NEDD4L: variants seen among roughly 807,000 people sequenced by gnomAD.
NEDD4L encodes the protein NEDD4 like E3 ubiquitin protein ligase.
In NEDD4L, 54 loss-of-function variants were observed where a neutral mutation model predicts 148.9. The ratio of observed to expected loss-of-function variants is 0.36; its 90% CI spans 0.29 to 0.45. The LOEUF (loss-of-function observed/expected upper bound fraction) is 0.45, where lower values mean the gene tolerates loss of function less well. NEDD4L is among the 20% of genes least tolerant of loss of function. The pLI is 1.00. For missense variants in NEDD4L, 856 were observed against 1,233.8 expected (o/e 0.69, Z 4.59); for synonymous variants, 433 against 440.7 (o/e 0.98, Z 0.22).
intron 10 of NEDD4L, among the ~76,000 whole-genome samples, chr18:58,329,614 TC>T (rs2059627368): frequency 6.6e-6 from 1 of 151,752 alleles, no homozygotes; most frequent in Non-Finnish European, 1.5e-5. Flanking sequence ...TGCCTCAGCC[TC>T]CTAAAGTGCT....
At chr18:58,203,618 T>C (rs1365317070) in intron 2 of NEDD4L, among the ~76,000 whole-genome samples, 1 of 151,906 alleles carries the variant, frequency 6.6e-6, no homozygotes, top group Non-Finnish European at 1.5e-5. Flanking sequence ...GATGATCTTT[T>C]TTTTTTTTTC....
intron 1 of NEDD4L, among the ~76,000 whole-genome samples, chr18:58,094,123 C>T (rs1208413132): frequency 6.6e-6 from 1 of 152,068 alleles, no homozygotes; most frequent in Non-Finnish European, 1.5e-5. Context: ...TCTCATCTGC[C>T]ACCTTCCTGC....
intron 11 of NEDD4L, among the ~76,000 whole-genome samples, chr18:58,332,322 C>T (rs1265513575): frequency 6.6e-6 from 1 of 152,098 alleles, no homozygotes; most frequent in Non-Finnish European, 1.5e-5. Flanking sequence ...CGGATATTTG[C>T]TCATTGGGAT....
intron 2 of NEDD4L, among the ~76,000 whole-genome samples, chr18:58,178,687 A>G (rs568268336): frequency 2.0e-5 from 3 of 152,366 alleles, no homozygotes; most frequent in East Asian, 3.9e-4. Context: ...GATAGAAAAT[A>G]TGCCTGGATT....
chr18:58,258,793 A>G (rs2048948147), intron 5 of NEDD4L, among the ~76,000 whole-genome samples: 1 of 152,248 alleles, frequency 6.6e-6, no homozygotes, highest in Admixed American at 6.5e-5. Context: ...AAGTGGTCAC[A>G]TAACAAAACC....
intron 12 of NEDD4L, among the ~76,000 whole-genome samples, chr18:58,335,099 C>T (rs371061612): frequency 5.2e-4 from 79 of 152,306 alleles, no homozygotes; most frequent in African/African-American, 1.8e-3. Context: ...TTTCTTTGTA[C>T]TTTCTGATGC....
In NEDD4L at chr18:58,366,380, A is replaced by AACAG. The variant is rs1408414566; in HGVS notation, c.2063+153_2063+156dup. ...ACCCCACAGCCCCTTGCAAGTCTAG[A>AACAG]ACAGGTTCTGACTCTACGTGGTGAA... On this transcript the variant is annotated intron_variant, in intron 21 of 30. Transcript: ENST00000400345. This position sits in a 1 kb window ranked among gnomAD's most constrained non-coding sequence, Gnocchi z 4.2. 5 of 550,178 alleles carry AACAG rather than the reference A, an allele frequency of 9.1e-6. No homozygotes were observed. In the Admixed American group the frequency reaches 1.6e-4, roughly 18 times the overall value. The allele number at this position is 550,178 out of a possible 1,614,324, so 34.1% of individuals were successfully genotyped here.
intron 1 of NEDD4L, among the ~76,000 whole-genome samples, chr18:58,085,184 G>C (rs2083695079): frequency 6.6e-6 from 1 of 152,182 alleles, no homozygotes; most frequent in Admixed American, 6.5e-5. Flanking sequence ...GAATTCTGGG[G>C]GAACATGGTT....
intron 2 of NEDD4L, among the ~76,000 whole-genome samples, chr18:58,181,423 G>C (rs1265240284): frequency 2.0e-5 from 3 of 152,130 alleles, no homozygotes; most frequent in Admixed American, 2.0e-4. Flanking sequence ...TTTAAGAAAG[G>C]AATTTGTCTA....
chr18:58,136,497 T>G (rs1227019693), intron 1 of NEDD4L, among the ~76,000 whole-genome samples: 1 of 152,194 alleles, frequency 6.6e-6, no homozygotes, highest in African/African-American at 2.4e-5. Context: ...TTGTTTGATA[T>G]GCGGGGAACC....
At chr18:58,344,891 TG>T (rs1461052146) in intron 16 of NEDD4L, among the ~76,000 whole-genome samples, 1 of 152,200 alleles carries the variant, frequency 6.6e-6, no homozygotes, top group Non-Finnish European at 1.5e-5. Context: ...CACTGTGGCT[TG>T]CCAACATAAG....
chr18:58,153,037 G>T (rs536555317), intron 1 of NEDD4L, among the ~76,000 whole-genome samples: 1 of 152,156 alleles, frequency 6.6e-6, no homozygotes, highest in African/African-American at 2.4e-5. Flanking sequence ...CTAAATGAGT[G>T]GTTCTAGGTT....
At chr18:58,102,058 T>G (rs1337013587) in intron 1 of NEDD4L, among the ~76,000 whole-genome samples, 1 of 152,230 alleles carries the variant, frequency 6.6e-6, no homozygotes, top group Admixed American at 6.5e-5. Context: ...ACTCCTAGCC[T>G]AATTTTATCT....
chr18:58,044,492 C>T lies in NEDD4L; in HGVS notation c.-169C>T. On this transcript the variant is annotated 5_prime_UTR_variant, in exon 1 of 31. Transcript: ENST00000400345. Reference sequence around the variant, plus strand: ...GAAGCGGTGCCGGCAGCGTCCAGGGCGCGCTCTCGGGCACCCTCACCTGCC... The same window carrying T: ...GAAGCGGTGCCGGCAGCGTCCAGGGTGCGCTCTCGGGCACCCTCACCTGCC... 2 of 838,616 alleles carry T rather than the reference C, an allele frequency of 2.4e-6. No homozygotes were observed. Among genetic ancestry groups the T allele is most frequent in the Non-Finnish European group, 3.2e-6 (2 of 625,570 alleles). 51.9% of individuals were successfully genotyped at this position (838,616 alleles called of 1,614,324 possible).
chr18:58,120,794 A>G (rs1482402133), intron 1 of NEDD4L, among the ~76,000 whole-genome samples: 3 of 152,102 alleles, frequency 2.0e-5, no homozygotes, highest in Non-Finnish European at 4.4e-5. Context: ...AAAAGAAAAA[A>G]AGTCCCTTTC....
At chr18:58,117,879 G>A (rs1168216744) in intron 1 of NEDD4L, among the ~76,000 whole-genome samples, 1 of 152,194 alleles carries the variant, frequency 6.6e-6, no homozygotes, top group Admixed American at 6.5e-5. Flanking sequence ...TTCCTCGTCA[G>A]TGCTGCCAGG....
chr18:58,150,925 G>A (rs770189083), intron 1 of NEDD4L, among the ~76,000 whole-genome samples: 1 of 152,180 alleles, frequency 6.6e-6, no homozygotes, highest in East Asian at 1.9e-4. Flanking sequence ...TAAATTGGTG[G>A]ACGTCCTTGA....
At chr18:58,140,617 T>A (rs12967665) in intron 1 of NEDD4L, among the ~76,000 whole-genome samples, 6 of 151,794 alleles carry the variant, frequency 4.0e-5, no homozygotes, top group African/African-American at 7.3e-5. Context: ...TTGCTTCCTT[T>A]ATAGTAATGA....
At chr18:58,277,667 C>T (rs2052343919) in intron 5 of NEDD4L, among the ~76,000 whole-genome samples, 1 of 152,082 alleles carries the variant, frequency 6.6e-6, no homozygotes, top group Non-Finnish European at 1.5e-5. Flanking sequence ...AGACATTGAC[C>T]TGAAATTTAT....
Sources: allele counts gnomAD v4.1 joint callset (sites outside exome capture counted in the v4.1 genomes callset), GRCh38; gene constraint gnomAD v4.1.1; non-coding constraint Gnocchi (gnomAD v3.1); transcripts MANE v1.5; gene names NCBI Gene and HGNC (gene_info 2026-07-23, HGNC 2026-07-21).